Variants in PXK observed in about 807,000 individuals in gnomAD.
The protein encoded by PXK is PX domain-containing protein kinase-like protein.
A neutral mutation model predicts 84.7 loss-of-function variants in PXK; 35 were observed. The observed-to-expected ratio is 0.41, with a 90% CI of 0.32 to 0.55. The LOEUF (loss-of-function observed/expected upper bound fraction) is 0.55, where lower values mean the gene tolerates loss of function less well. PXK is among the 20% of genes least tolerant of loss of function. The pLI, the probability that PXK is intolerant of heterozygous loss-of-function variation, is 0.21. For synonymous variants in PXK, 253 were observed against 260.8 expected (o/e 0.97, Z 0.29); for missense variants, 634 against 699.7 (o/e 0.91, Z 1.06).
At chr3:58,396,908 T>G (rs1324482819) in intron 9 of PXK, 131 bp from the exon 10 acceptor site, 5 of 991,536 alleles carry the variant, frequency 5.0e-6, no homozygotes, top group Non-Finnish European at 5.8e-6. Context: ...GAGGTGGCAT[T>G]TTTCTTCAGG....
intron 17 of PXK, chr3:58,422,637 T>C: frequency 1.0e-6 from 1 of 985,422 alleles, no homozygotes; most frequent in Non-Finnish European, 1.2e-6. Context: ...GTGGTGCATT[T>C]GCACTTCTAA....
chr3:58,342,971 A>G (rs1414342293), intron 1 of PXK, among the ~76,000 whole-genome samples: 3 of 152,220 alleles, frequency 2.0e-5, no homozygotes, highest in Non-Finnish European at 4.4e-5. Context: ...GCACCTCTTT[A>G]TAATATTTAA....
chr3:58,352,970 C>G (rs571664524), intron 1 of PXK, among the ~76,000 whole-genome samples: 3 of 151,694 alleles, frequency 2.0e-5, no homozygotes, highest in African/African-American at 7.2e-5. Context: ...TCTTCTTTTG[C>G]TAAAGTTAAA....
intron 1 of PXK, among the ~76,000 whole-genome samples, chr3:58,362,652 A>G (rs1399966899): frequency 2.0e-5 from 3 of 152,024 alleles, no homozygotes; most frequent in Non-Finnish European, 2.9e-5. Flanking sequence ...GCCTCCACCA[A>G]CACTACACAG....
At position 58,401,322 on chromosome 3, in the gene PXK, A is replaced by C. The variant is rs2058521713; in HGVS notation, c.1181+1945A>C. Among the ~76,000 whole-genome samples the C allele has an allele frequency of 6.6e-6, 1 of 152,112 alleles. No homozygotes were observed. The highest frequency in any genetic ancestry group is 2.1e-4 in the South Asian group (1 of 4,828). ...GTGATGAAGTTCCCATCTTTAAAAA[A>C]GAGTAATATAGCTGGGCGCGGTGGC... On this transcript the variant is annotated intron_variant, in intron 12 of 17. Transcript: ENST00000356151. The surrounding 1 kb of genome is among the most constrained non-coding windows in gnomAD (Gnocchi z 4.4).
intron 3 of PXK, among the ~76,000 whole-genome samples, chr3:58,378,630 G>A (rs1255903318): frequency 1.3e-5 from 2 of 148,198 alleles, no homozygotes; most frequent in Non-Finnish European, 3.0e-5. Context: ...TGCCTCCCAG[G>A]TTCAAGCGAT....
At chr3:58,403,550 T>C (rs2058931574) in intron 12 of PXK, among the ~76,000 whole-genome samples, 1 of 152,260 alleles carries the variant, frequency 6.6e-6, no homozygotes, top group Non-Finnish European at 1.5e-5. Flanking sequence ...TTATTTGCGA[T>C]ATTTTTGCAA....
At chr3:58,394,573 A>G (rs889671063) in intron 7 of PXK, among the ~76,000 whole-genome samples, 5 of 152,290 alleles carry the variant, frequency 3.3e-5, no homozygotes, top group Admixed American at 1.3e-4. Flanking sequence ...GCAAAGACAC[A>G]TTGATCCTGG....
At chr3:58,345,119 G>C (rs1194157084) in intron 1 of PXK, among the ~76,000 whole-genome samples, 4 of 152,124 alleles carry the variant, frequency 2.6e-5, no homozygotes, top group Non-Finnish European at 5.9e-5. Context: ...CAATATAGCA[G>C]CCACAAAAGC....
rs1255989973 is a variant in PXK, at chr3:58,414,408, T to G, written c.1528+1445T>G. 1.3e-5 allele frequency: 2 copies of G among 152,270 alleles called. No individual in the cohort carries two copies. The highest frequency in any genetic ancestry group is 2.9e-5 in the Non-Finnish European group (2 of 68,064). 9.4% of individuals were successfully genotyped at this position (152,270 alleles called of 1,614,324 possible). ...CTTATCTCTAAATGCCTTTGGGAAT[T>G]TACAATTTATTTGGACTTTTGGGGG... On this transcript the variant is annotated intron_variant, in intron 17 of 17. Coordinates refer to ENST00000356151, the MANE Select transcript of PXK (RefSeq NM_017771.5). This position sits in a 1 kb window ranked among gnomAD's most constrained non-coding sequence, Gnocchi z 4.5.
intron 4 of PXK, among the ~76,000 whole-genome samples, chr3:58,388,376 C>T (rs759623435): frequency 2.0e-5 from 3 of 152,150 alleles, no homozygotes; most frequent in Non-Finnish European, 4.4e-5. Context: ...GTGTCACTGT[C>T]GGTCTTTTAG....
Position 58,355,065 on chromosome 3 carries a change from C to T in PXK, c.103-10809C>T, listed in dbSNP as rs550377797. On this transcript the variant is annotated intron_variant, in intron 1 of 17. Transcript: ENST00000356151. ...ACCTGGGAGACAGAGGCAGAGGTTACAGTGAGCCAAGATTGTGAATTTTAC... is the reference window on the plus strand; with the variant it reads ...ACCTGGGAGACAGAGGCAGAGGTTATAGTGAGCCAAGATTGTGAATTTTAC... Among the ~76,000 whole-genome samples the T allele has an allele frequency of 2.7e-5, 4 of 150,300 alleles. No individual in the cohort carries two copies. In the South Asian group the frequency reaches 8.4e-4, roughly 32 times the overall value.
intron 13 of PXK, among the ~76,000 whole-genome samples, chr3:58,406,532 G>A (rs2059434812): frequency 6.6e-6 from 1 of 151,880 alleles, no homozygotes; most frequent in Non-Finnish European, 1.5e-5. Flanking sequence ...CAAAGTGCTG[G>A]GATTACAGGT....
chr3:58,369,835 A>C lies in PXK; in HGVS notation c.201+357A>C, dbSNP rs183757942. On this transcript the variant is annotated intron_variant, in intron 3 of 17. Coordinates refer to ENST00000356151, the MANE Select transcript of PXK (RefSeq NM_017771.5). ...GTGAAACTCTGTCTCAAAAAAAAAA[A>C]AAAAAACAAAACTGGTTGGAAATGG... 5.3e-5 allele frequency among the ~76,000 whole-genome samples: 8 copies of C among 152,080 alleles called. No homozygotes were observed. In the East Asian group the frequency reaches 7.7e-4, roughly 15 times the overall value.
chr3:58,365,046 C>G (rs1352946652), intron 1 of PXK, among the ~76,000 whole-genome samples: 1 of 151,076 alleles, frequency 6.6e-6, no homozygotes, highest in East Asian at 1.9e-4. Context: ...TTTCCTTCTT[C>G]TGCTTGCTTT....
chr3:58,340,973 CTTT>C (rs57344727), intron 1 of PXK, among the ~76,000 whole-genome samples: 11,998 of 145,132 alleles, frequency 0.083, 573 homozygotes, highest in South Asian at 0.11. Context: ...AGAGTTTTTC[CTTT>C]TTTTTTTTTT....
intron 1 of PXK, among the ~76,000 whole-genome samples, chr3:58,359,355 C>T (rs1288930772): frequency 1.3e-5 from 2 of 151,602 alleles, no homozygotes; most frequent in East Asian, 3.9e-4. Flanking sequence ...CATGGTGAAA[C>T]CCCCTCTCTA....
chr3:58,414,887 A>G lies in PXK; in HGVS notation c.1528+1924A>G, dbSNP rs548743710. Among the ~76,000 whole-genome samples, 1 of 152,262 alleles carries G rather than the reference A, an allele frequency of 6.6e-6. No homozygotes were observed. Among genetic ancestry groups the G allele is most frequent in the African/African-American group, 2.4e-5 (1 of 41,540 alleles). On this transcript the variant is annotated intron_variant, in intron 17 of 17. Transcript: ENST00000356151. This position sits in a 1 kb window ranked among gnomAD's most constrained non-coding sequence, Gnocchi z 4.5. ...TTTCAGGCCCTAAGCATTTCAACCC[A>G]AGGGAGTTTATTCATTTAAGAATAA...
chr3:58,409,790 TA>T lies in PXK; in HGVS notation c.1395+173del, dbSNP rs1157159103. Among the ~76,000 whole-genome samples the T allele has an allele frequency of 1.3e-5, 2 of 151,748 alleles. No individual in the cohort carries two copies. The highest frequency in any genetic ancestry group is 4.8e-5 in the African/African-American group (2 of 41,286). Reference sequence around the variant, plus strand: ...TTTTTTGGGGAAAAAAAAAGAGTCATATGATAATCAGCCGAGAAATAGCCCA... The same window carrying T: ...TTTTTTGGGGAAAAAAAAAGAGTCATTGATAATCAGCCGAGAAATAGCCCA... On this transcript the variant is annotated intron_variant, in intron 15 of 17. Coordinates refer to ENST00000356151, the MANE Select transcript of PXK (RefSeq NM_017771.5). The surrounding 1 kb of genome is among the most constrained non-coding windows in gnomAD (Gnocchi z 4.2).
Sources: allele counts gnomAD v4.1 joint callset (sites outside exome capture counted in the v4.1 genomes callset), GRCh38; gene constraint gnomAD v4.1.1; non-coding constraint Gnocchi (gnomAD v3.1); transcripts MANE v1.5; gene names NCBI Gene and HGNC (gene_info 2026-07-23, HGNC 2026-07-21).